The following AFG2A variants were observed in gnomAD, a reference collection of about 807,000 sequenced individuals.
The protein encoded by AFG2A is AAA ATPase AFG2A.
chr4:122,944,178 G>A, the AFG2A span, among the ~76,000 whole-genome samples: 1 of 152,104 alleles, frequency 6.6e-6, no homozygotes, highest in Non-Finnish European at 1.5e-5. Flanking sequence ...TCTGAATGTT[G>A]GCCTGCCTCG....
the AFG2A span, among the ~76,000 whole-genome samples, chr4:122,926,670 C>A: frequency 6.6e-6 from 1 of 152,018 alleles, no homozygotes; most frequent in Non-Finnish European, 1.5e-5. Flanking sequence ...TTAGGTAGAG[C>A]TCTGTGATTA....
chr4:123,173,340 GTTTTTTTTTTTTTTTT>G, the AFG2A span, among the ~76,000 whole-genome samples: 150 of 70,310 alleles, frequency 2.1e-3, 1 homozygote, highest in South Asian at 6.2e-3. Flanking sequence ...AAGTCCAATG[GTTTTTTTTTTTTTTTT>G]TTTTTTTTTT....
the AFG2A span, among the ~76,000 whole-genome samples, chr4:123,029,132 T>A: frequency 2.6e-5 from 4 of 152,234 alleles, no homozygotes; most frequent in African/African-American, 9.6e-5. Context: ...GGGAATTTTT[T>A]ACATAACAGA....
At chr4:123,253,414 G>A in the AFG2A span, among the ~76,000 whole-genome samples, 3 of 151,818 alleles carry the variant, frequency 2.0e-5, no homozygotes, top group East Asian at 3.9e-4. Flanking sequence ...AACCCAGGAG[G>A]CAGAGGTTGC....
chr4:123,212,441 T>C, the AFG2A span, among the ~76,000 whole-genome samples: 1 of 152,170 alleles, frequency 6.6e-6, no homozygotes, highest in Non-Finnish European at 1.5e-5. Context: ...AAAGTATTTT[T>C]AGTTTATTTG....
chr4:122,999,448 C>T, the AFG2A span, among the ~76,000 whole-genome samples: 8 of 151,984 alleles, frequency 5.3e-5, no homozygotes, highest in East Asian at 1.9e-4. Context: ...TTAGGTATAG[C>T]GTTTAAGTCT....
At chr4:123,106,888 G>T in the AFG2A span, among the ~76,000 whole-genome samples, 1 of 152,262 alleles carries the variant, frequency 6.6e-6, no homozygotes, top group South Asian at 2.1e-4. Flanking sequence ...TGAGGGTTGT[G>T]TGGGCAAGTG....
chr4:123,128,314 T>C, the AFG2A span, among the ~76,000 whole-genome samples: 1 of 152,202 alleles, frequency 6.6e-6, no homozygotes, highest in Non-Finnish European at 1.5e-5. Context: ...AGTATCTCCC[T>C]GGTAGTTTGT....
At chr4:123,006,148 G>T in the AFG2A span, among the ~76,000 whole-genome samples, 1 of 150,036 alleles carries the variant, frequency 6.7e-6, no homozygotes, top group Non-Finnish European at 1.5e-5. Flanking sequence ...TTTTATTTTA[G>T]AAAGCTATTT....
the AFG2A span, among the ~76,000 whole-genome samples, chr4:123,118,208 T>A: frequency 6.7e-6 from 1 of 149,108 alleles, no homozygotes; most frequent in Non-Finnish European, 1.5e-5. Context: ...CTTTCCACCT[T>A]ACTTTTATTA....
At chr4:123,226,785 G>A in the AFG2A span, among the ~76,000 whole-genome samples, 5 of 152,172 alleles carry the variant, frequency 3.3e-5, no homozygotes, top group Non-Finnish European at 4.4e-5. Flanking sequence ...AGAAGGAATG[G>A]TACCAGCTCC....
chr4:123,238,848 C>G, the AFG2A span, among the ~76,000 whole-genome samples: 1 of 152,164 alleles, frequency 6.6e-6, no homozygotes, highest in East Asian at 1.9e-4. Flanking sequence ...GACGAGCTGA[C>G]AGAAGTGGGA....
chr4:123,222,389 A>G, the AFG2A span, among the ~76,000 whole-genome samples: 1 of 152,214 alleles, frequency 6.6e-6, no homozygotes, highest in Non-Finnish European at 1.5e-5. Flanking sequence ...GTTCTTAAAC[A>G]CTAATATTCT....
the AFG2A span, among the ~76,000 whole-genome samples, chr4:122,935,195 A>T: frequency 6.6e-6 from 1 of 152,138 alleles, no homozygotes; most frequent in Non-Finnish European, 1.5e-5. Flanking sequence ...CTTTGCATAT[A>T]TTTGCTGTGT....
At chr4:122,929,166 C>T in the AFG2A span, 5 of 1,607,626 alleles carry the variant, frequency 3.1e-6, no homozygotes, top group Non-Finnish European at 3.4e-6. Context: ...GGGTGCTGTG[C>T]TACAGGCTGA....
At chr4:122,994,395 G>A in the AFG2A span, among the ~76,000 whole-genome samples, 136,006 of 152,108 alleles carry the variant, frequency 0.89, 61,222 homozygotes, top group East Asian at 0.96. Flanking sequence ...ATATATTATC[G>A]TTGTGATAAG....
the AFG2A span, among the ~76,000 whole-genome samples, chr4:122,939,929 G>T: frequency 6.6e-6 from 1 of 152,192 alleles, no homozygotes. Context: ...ATGATTTCCA[G>T]TTTCATCCAT....
At chr4:122,927,237 A>C in the AFG2A span, among the ~76,000 whole-genome samples, 1 of 152,190 alleles carries the variant, frequency 6.6e-6, no homozygotes, top group Admixed American at 6.5e-5. Context: ...TAGAAACATA[A>C]CTTAATCCTC....
chr4:122,956,993 T>A, the AFG2A span, among the ~76,000 whole-genome samples: 4 of 152,162 alleles, frequency 2.6e-5, no homozygotes, highest in Non-Finnish European at 4.4e-5. Flanking sequence ...CTTAGACAGG[T>A]TCTATGCCTT....
Sources: allele counts gnomAD v4.1 joint callset (sites outside exome capture counted in the v4.1 genomes callset), GRCh38; gene constraint gnomAD v4.1.1; transcripts MANE v1.5; gene names NCBI Gene and HGNC (gene_info 2026-07-23, HGNC 2026-07-21).